Variants in TENM3 observed in about 807,000 individuals in gnomAD.
TENM3 encodes teneurin transmembrane protein 3.
A neutral mutation model predicts 255.1 loss-of-function variants in TENM3; 63 were observed. The observed-to-expected ratio is 0.25, with a 90% CI of 0.20 to 0.30. The LOEUF is 0.30. Ranked by LOEUF, TENM3 falls within the 10% of genes least tolerant of loss-of-function variation. TENM3 has a pLI of 1.00. For synonymous variants in TENM3, 1,306 were observed against 1,322.3 expected, an observed-to-expected ratio of 0.99 and a Z score of 0.27; for missense variants, 2,929 against 3,461.1, an observed-to-expected ratio of 0.85 and a Z score of 3.86.
At chr4:181,964,604 T>C in the TENM3 span, among the ~76,000 whole-genome samples, 2 of 149,250 alleles carry the variant, frequency 1.3e-5, no homozygotes, top group African/African-American at 4.9e-5. Context: ...AAAAAAAAAA[T>C]AGCCATTCTG....
the TENM3 span, among the ~76,000 whole-genome samples, chr4:181,501,428 G>A: frequency 6.6e-6 from 1 of 151,606 alleles, no homozygotes; most frequent in East Asian, 1.9e-4. Flanking sequence ...GCCTGGGCTG[G>A]AGTGCAGTGG....
the TENM3 span, among the ~76,000 whole-genome samples, chr4:181,590,120 C>T: frequency 3.3e-3 from 505 of 152,220 alleles, no homozygotes; most frequent in African/African-American, 0.012. Flanking sequence ...TTTATTCGTA[C>T]CCACAAGTCC....
intron 2 of TENM3, among the ~76,000 whole-genome samples, chr4:182,325,199 C>T (rs1045353557): frequency 3.3e-5 from 5 of 152,136 alleles, no homozygotes; most frequent in Non-Finnish European, 5.9e-5. Flanking sequence ...TCATTCTTTT[C>T]CAATCACCGT....
the TENM3 span, among the ~76,000 whole-genome samples, chr4:181,914,420 T>G: frequency 6.6e-6 from 1 of 152,146 alleles, no homozygotes; most frequent in Non-Finnish European, 1.5e-5. Flanking sequence ...CCATAGAACT[T>G]TTCAGGGGTT....
chr4:182,222,998 A>T (rs1449421236), intron 1 of TENM3, among the ~76,000 whole-genome samples: 1 of 152,158 alleles, frequency 6.6e-6, no homozygotes, highest in Non-Finnish European at 1.5e-5. Context: ...GTTTTACAAG[A>T]ACAGTTTGGT....
chr4:182,486,303 T>A (rs1734700013), intron 3 of TENM3, among the ~76,000 whole-genome samples: 1 of 95,520 alleles, frequency 1.0e-5, no homozygotes, highest in Non-Finnish European at 2.6e-5. Flanking sequence ...TAAGAAGTAT[T>A]TTAATTGTGT....
intron 3 of TENM3, among the ~76,000 whole-genome samples, chr4:182,549,689 A>G (rs1425207902): frequency 6.6e-6 from 1 of 152,112 alleles, no homozygotes; most frequent in Non-Finnish European, 1.5e-5. Context: ...TTTCAGAAGT[A>G]TTTTCTTTCA....
Position 182,743,326 on chromosome 4 carries a change from C to T in TENM3, c.3536C>T (p.Ala1179Val). The T allele has an allele frequency of 6.2e-7, 1 of 1,614,014 alleles. No homozygotes were observed. The highest frequency in any genetic ancestry group is 8.5e-7 in the Non-Finnish European group (1 of 1,179,872). ...AAGTTACTGGCCCCAGTGGCGCTAG[C>T]TTGTGGGATCGATGGCAGTCTGTAC... ...GNKLLAPVAL[A>V]CGIDGSLYVG... Residue 1179 changes from alanine (A) to valine (V), a missense_variant, in exon 19 of 28, where the codon GCT becomes GTT. Physicochemically the swap from Ala to Val is moderately conservative, Grantham distance 64 (BLOSUM62 0). This residue lies in a region of TENM3 where 1,608 missense variants were observed against 1,884.4 expected (regional missense o/e 0.85). Coordinates refer to ENST00000511685, the MANE Select transcript of TENM3 (RefSeq NM_001080477.4).
chr4:181,581,354 T>A, the TENM3 span, among the ~76,000 whole-genome samples: 2 of 151,984 alleles, frequency 1.3e-5, no homozygotes, highest in Non-Finnish European at 2.9e-5. Flanking sequence ...GGCAGAAGAA[T>A]CACTTGAACC....
chr4:182,081,901 A>T, the TENM3 span: 1 of 152,154 alleles, frequency 6.6e-6, no homozygotes, highest in African/African-American at 2.4e-5. Flanking sequence ...GCTTTTGTGT[A>T]TGGAGTGACC....
chr4:181,879,531 G>A, the TENM3 span, among the ~76,000 whole-genome samples: 3 of 152,228 alleles, frequency 2.0e-5, no homozygotes, highest in South Asian at 4.1e-4. Context: ...CAAGGTGCCC[G>A]GCTACTGACA....
chr4:181,819,648 A>C, the TENM3 span, among the ~76,000 whole-genome samples: 1 of 152,240 alleles, frequency 6.6e-6, no homozygotes, highest in African/African-American at 2.4e-5. Context: ...AAACTGTTGC[A>C]CCTCCGATCA....
At chr4:182,236,987 T>C (rs1756936186) in intron 1 of TENM3, among the ~76,000 whole-genome samples, 2 of 152,190 alleles carry the variant, frequency 1.3e-5, no homozygotes, top group African/African-American at 4.8e-5. Flanking sequence ...TTCCTGATGC[T>C]CTCCTCCTTG....
chr4:182,661,537 T>C (rs1356728400), intron 6 of TENM3, among the ~76,000 whole-genome samples: 1 of 152,200 alleles, frequency 6.6e-6, no homozygotes, highest in Admixed American at 6.5e-5. Flanking sequence ...CTTAATTAGA[T>C]GCTATATTGA....
intron 1 of TENM3, among the ~76,000 whole-genome samples, chr4:182,291,076 C>T (rs534582131): frequency 1.3e-5 from 2 of 152,260 alleles, no homozygotes; most frequent in African/African-American, 4.8e-5. Context: ...CCACCTTGGC[C>T]TCCTAAAGTG....
chr4:182,046,765 C>A, the TENM3 span, among the ~76,000 whole-genome samples: 3,372 of 152,104 alleles, frequency 0.022, 124 homozygotes, highest in African/African-American at 0.075. Context: ...TTGTATATAA[C>A]ACAATAATTT....
chr4:182,357,062 A>G (rs372327038), intron 3 of TENM3, among the ~76,000 whole-genome samples: 13 of 152,082 alleles, frequency 8.5e-5, no homozygotes, highest in Middle Eastern at 3.4e-3. Flanking sequence ...ATTTTTTATG[A>G]CTGCATAGTA....
chr4:182,367,861 G>A (rs763219465), intron 3 of TENM3, among the ~76,000 whole-genome samples: 5 of 152,256 alleles, frequency 3.3e-5, no homozygotes, highest in Middle Eastern at 3.4e-3. Context: ...AGCAGATCAA[G>A]TTCAGGATCA....
At chr4:182,254,744 T>C (rs1208830128) in intron 1 of TENM3, among the ~76,000 whole-genome samples, 1 of 152,208 alleles carries the variant, frequency 6.6e-6, no homozygotes, top group Non-Finnish European at 1.5e-5. Flanking sequence ...ATGGCAGTTA[T>C]CATATTGTGT....
Sources: gnomAD v4.1 joint callset for allele counts (sites outside exome capture counted in the v4.1 genomes callset) on GRCh38, gnomAD v4.1.1 for gene constraint, gnomAD v4.1.1 regional missense constraint, MANE v1.5 for transcripts, NCBI Gene and HGNC (gene_info 2026-07-23, HGNC 2026-07-21) for gene names.